Variants in MICU1 observed in about 807,000 individuals in gnomAD.
MICU1 encodes the protein mitochondrial calcium uptake 1, also known as calcium uptake protein 1, mitochondrial.
In MICU1, 45 loss-of-function variants were observed where a neutral mutation model predicts 56.8. That is an observed-to-expected ratio of 0.79 (90% confidence interval 0.62 to 1.02). The LOEUF (loss-of-function observed/expected upper bound fraction) is 1.02. Ranked by LOEUF, MICU1 falls within the 50% of genes least tolerant of loss-of-function variation. The pLI is 0.00. For synonymous variants in MICU1, 186 were observed against 195.1 expected (o/e 0.95, Z 0.39); for missense variants, 504 against 587.1 (o/e 0.86, Z 1.46).
chr10:72,477,674 T>A, intron 6 of MICU1: 1 of 799,304 alleles, frequency 1.3e-6, no homozygotes, highest in Non-Finnish European at 2.0e-6. Context: ...TACATCTTAG[T>A]CTTACCCTCA....
At chr10:72,536,385 C>T (rs111530361) in intron 4 of MICU1, among the ~76,000 whole-genome samples, 5,732 of 152,020 alleles carry the variant, frequency 0.038, 369 homozygotes, top group African/African-American at 0.13. Context: ...CTCGCTTTGT[C>T]CCCCAGGCTG....
At chr10:72,537,507 T>C (rs1839665951) in intron 4 of MICU1, among the ~76,000 whole-genome samples, 1 of 152,234 alleles carries the variant, frequency 6.6e-6, no homozygotes, top group Non-Finnish European at 1.5e-5. Flanking sequence ...TATAGCTATG[T>C]TGTTTTCACT....
intron 1 of MICU1, among the ~76,000 whole-genome samples, chr10:72,578,621 G>C (rs1840815534): frequency 6.6e-6 from 1 of 151,420 alleles, no homozygotes; most frequent in Admixed American, 6.6e-5. Flanking sequence ...TGTTGTTGTT[G>C]TTTTGAGACA....
At chr10:72,507,461 A>G (rs1589289607) in intron 6 of MICU1, among the ~76,000 whole-genome samples, 1 of 152,352 alleles carries the variant, frequency 6.6e-6, no homozygotes, top group East Asian at 1.9e-4. Context: ...TTAAAAAACA[A>G]ATATTCAACT....
chr10:72,410,243 T>C (rs1192545394), intron 9 of MICU1, among the ~76,000 whole-genome samples: 2 of 152,234 alleles, frequency 1.3e-5, no homozygotes, highest in Admixed American at 6.5e-5. Context: ...ACAATTTGTT[T>C]ATCCATTCTA....
At chr10:72,429,472 T>G (rs1332567664) in intron 8 of MICU1, among the ~76,000 whole-genome samples, 1 of 151,948 alleles carries the variant, frequency 6.6e-6, no homozygotes, top group African/African-American at 2.4e-5. Context: ...TTAATTTTAT[T>G]TATTATTCAA....
At chr10:72,505,237 C>A (rs1867207448) in intron 6 of MICU1, among the ~76,000 whole-genome samples, 1 of 152,018 alleles carries the variant, frequency 6.6e-6, no homozygotes, top group Non-Finnish European at 1.5e-5. Context: ...CCTTGGCCTC[C>A]CAAAGTGCTG....
chr10:72,376,997 C>G (rs1002501101), intron 10 of MICU1, among the ~76,000 whole-genome samples: 5 of 152,056 alleles, frequency 3.3e-5, no homozygotes, highest in African/African-American at 1.2e-4. Context: ...CAGCTAAGTG[C>G]CTGCACAGTG....
chr10:72,380,001 A>C (rs1321334149), intron 10 of MICU1, among the ~76,000 whole-genome samples: 1 of 152,192 alleles, frequency 6.6e-6, no homozygotes, highest in Non-Finnish European at 1.5e-5. Context: ...GATGAGTGGG[A>C]TGACGGCAGA....
At chr10:72,540,688 A>G (rs1839752603) in intron 4 of MICU1, among the ~76,000 whole-genome samples, 2 of 152,198 alleles carry the variant, frequency 1.3e-5, no homozygotes, top group South Asian at 4.1e-4. Context: ...ATAAAACAAA[A>G]CAAAAAACTG....
chr10:72,399,053 T>G (rs1233767198), intron 10 of MICU1, among the ~76,000 whole-genome samples: 4 of 152,176 alleles, frequency 2.6e-5, no homozygotes, highest in Non-Finnish European at 2.9e-5. Flanking sequence ...AATAAAATAC[T>G]GGCAAACCAA....
intron 10 of MICU1, among the ~76,000 whole-genome samples, chr10:72,405,000 G>A (rs1235823057): frequency 5.3e-5 from 8 of 151,856 alleles, no homozygotes; most frequent in South Asian, 2.1e-4. Flanking sequence ...TCCATCTCCC[G>A]GGTTCAAGTG....
At chr10:72,415,986 C>T (rs1863970464) in intron 9 of MICU1, among the ~76,000 whole-genome samples, 1 of 152,188 alleles carries the variant, frequency 6.6e-6, no homozygotes, top group East Asian at 1.9e-4. Flanking sequence ...CAGGTAGATA[C>T]ACAAGATATG....
chr10:72,437,846 A>T (rs1336660575), intron 8 of MICU1, among the ~76,000 whole-genome samples: 2 of 152,218 alleles, frequency 1.3e-5, no homozygotes, highest in African/African-American at 4.8e-5. Flanking sequence ...AAGAAGAGCT[A>T]ACTATCCTAA....
intron 10 of MICU1, among the ~76,000 whole-genome samples, chr10:72,393,206 TG>T (rs1469915504): frequency 6.6e-6 from 1 of 152,192 alleles, no homozygotes; most frequent in Non-Finnish European, 1.5e-5. Flanking sequence ...TCTAGGCACA[TG>T]GAATACATCC....
chr10:72,381,546 G>T (rs998764861), intron 10 of MICU1, among the ~76,000 whole-genome samples: 5 of 152,134 alleles, frequency 3.3e-5, no homozygotes, highest in Admixed American at 1.3e-4. Flanking sequence ...CAAGAGCAAT[G>T]CAGCCTACAA....
At chr10:72,401,355 A>T (rs1217612526) in intron 10 of MICU1, among the ~76,000 whole-genome samples, 1 of 152,206 alleles carries the variant, frequency 6.6e-6, no homozygotes, top group Non-Finnish European at 1.5e-5. Flanking sequence ...AAGCTAATTA[A>T]CACTTCCATC....
intron 8 of MICU1, among the ~76,000 whole-genome samples, chr10:72,436,224 C>T (rs935079204): frequency 6.6e-6 from 1 of 152,206 alleles, no homozygotes; most frequent in African/African-American, 2.4e-5. Context: ...TGCTGTTCTG[C>T]AATATTTGCT....
intron 5 of MICU1, among the ~76,000 whole-genome samples, chr10:72,516,136 T>C (rs1867638108): frequency 6.6e-6 from 1 of 152,228 alleles, no homozygotes; most frequent in Non-Finnish European, 1.5e-5. Flanking sequence ...CCATTCTAAC[T>C]GGCACGAGAT....
Sources: gnomAD v4.1 joint callset for allele counts (sites outside exome capture counted in the v4.1 genomes callset) on GRCh38, gnomAD v4.1.1 for gene constraint, MANE v1.5 for transcripts, NCBI Gene and HGNC (gene_info 2026-07-23, HGNC 2026-07-21) for gene names.